FGF14: variants seen among roughly 807,000 people sequenced by gnomAD.
The protein encoded by FGF14 is fibroblast growth factor homologous factor 4.
Under a neutral mutation model 25.5 loss-of-function variants are expected in FGF14, and 5 were observed. That is an observed-to-expected ratio of 0.20 (90% CI 0.10 to 0.41). The LOEUF is 0.41. Ranked by LOEUF, FGF14 falls within the 10% of genes least tolerant of loss-of-function variation. The pLI is 1.00. For synonymous variants in FGF14, 138 were observed against 118.3 expected, an observed-to-expected ratio of 1.17 and a Z score of -1.08; for missense variants, 222 against 320.1, an observed-to-expected ratio of 0.69 and a Z score of 2.34.
At chr13:102,125,490 G>A (rs1284783642) in intron 1 of FGF14, among the ~76,000 whole-genome samples, 2 of 152,048 alleles carry the variant, frequency 1.3e-5, no homozygotes, top group Non-Finnish European at 2.9e-5. Flanking sequence ...TATAAAAACT[G>A]GCCCATGAAT....
intron 1 of FGF14, among the ~76,000 whole-genome samples, chr13:102,157,833 C>A (rs1381304859): frequency 6.6e-6 from 1 of 152,154 alleles, no homozygotes; most frequent in Non-Finnish European, 1.5e-5. Context: ...AAGAAAAGAA[C>A]AAACAACCCC....
chr13:102,315,949 A>T (rs2056000859), intron 1 of FGF14, among the ~76,000 whole-genome samples: 1 of 152,242 alleles, frequency 6.6e-6, no homozygotes, highest in Non-Finnish European at 1.5e-5. Flanking sequence ...ACTGCAAAAA[A>T]GCAGAAACTA....
intron 1 of FGF14, among the ~76,000 whole-genome samples, chr13:101,995,963 A>G (rs2039158646): frequency 2.0e-5 from 3 of 152,206 alleles, no homozygotes; most frequent in Non-Finnish European, 1.5e-5. Context: ...GATATAGTCA[A>G]TAATAACTTA....
chr13:102,297,892 T>C (rs755871766), intron 1 of FGF14, among the ~76,000 whole-genome samples: 1 of 152,114 alleles, frequency 6.6e-6, no homozygotes, highest in Non-Finnish European at 1.5e-5. Context: ...TACAGTTCAA[T>C]GTGATGGTGC....
intron 1 of FGF14, among the ~76,000 whole-genome samples, chr13:102,269,592 T>C (rs1339629538): frequency 6.6e-6 from 1 of 152,170 alleles, no homozygotes; most frequent in Non-Finnish European, 1.5e-5. Context: ...TCTCAATATG[T>C]TGCTCAAGCT....
chr13:102,035,834 T>G (rs566265185), intron 1 of FGF14, among the ~76,000 whole-genome samples: 1 of 152,128 alleles, frequency 6.6e-6, no homozygotes, highest in Non-Finnish European at 1.5e-5. Context: ...CTTCTAGCTC[T>G]AAAGTGCTGT....
intron 1 of FGF14, among the ~76,000 whole-genome samples, chr13:102,201,663 A>G (rs996552940): frequency 6.6e-6 from 1 of 152,256 alleles, no homozygotes; most frequent in African/African-American, 2.4e-5. Flanking sequence ...AGCATGATGT[A>G]TAAGACAAGG....
At chr13:102,155,874 T>C (rs560519119) in intron 1 of FGF14, among the ~76,000 whole-genome samples, 4 of 152,206 alleles carry the variant, frequency 2.6e-5, no homozygotes, top group South Asian at 2.1e-4. Context: ...GAGAATACTA[T>C]AAACACCTCT....
At chr13:102,143,158 C>A (rs1323479600) in intron 1 of FGF14, among the ~76,000 whole-genome samples, 2 of 152,132 alleles carry the variant, frequency 1.3e-5, no homozygotes, top group Non-Finnish European at 2.9e-5. Context: ...CAATAAGAAT[C>A]CTTTTTAAGA....
intron 1 of FGF14, among the ~76,000 whole-genome samples, chr13:102,300,938 TACAC>T (rs3066020): frequency 0.044 from 3,420 of 76,862 alleles, 134 homozygotes; most frequent in African/African-American, 0.14. Context: ...CACACACACA[TACAC>T]ACACACACAC....
At chr13:101,865,279 C>T (rs2044642426) in intron 3 of FGF14, among the ~76,000 whole-genome samples, 1 of 152,044 alleles carries the variant, frequency 6.6e-6, no homozygotes, top group Non-Finnish European at 1.5e-5. Flanking sequence ...GGAAAACAAA[C>T]AAGCAAACAA....
At chr13:102,396,617 A>G (rs1259245644) in intron 1 of FGF14, among the ~76,000 whole-genome samples, 1 of 152,252 alleles carries the variant, frequency 6.6e-6, no homozygotes, top group Non-Finnish European at 1.5e-5. Flanking sequence ...AGTATAGTAT[A>G]GAATTAGCTT....
At chr13:102,175,071 A>G (rs10459301) in intron 1 of FGF14, among the ~76,000 whole-genome samples, 15,240 of 152,158 alleles carry the variant, frequency 0.1, 2,083 homozygotes, top group East Asian at 0.7. Flanking sequence ...CAAATTACCA[A>G]TGTCATAGAA....
intron 3 of FGF14, among the ~76,000 whole-genome samples, chr13:101,769,763 T>G (rs947932316): frequency 6.6e-6 from 1 of 151,818 alleles, no homozygotes; most frequent in Admixed American, 6.6e-5. Context: ...GGCAAAACAA[T>G]GGAAACAGTA....
intron 1 of FGF14, among the ~76,000 whole-genome samples, chr13:101,876,730 G>A (rs532152410): frequency 7.2e-5 from 11 of 152,138 alleles, no homozygotes; most frequent in Middle Eastern, 3.4e-3. Context: ...ATTGCATTGC[G>A]TTACATATGT....
intron 3 of FGF14, among the ~76,000 whole-genome samples, chr13:101,839,264 T>C (rs1208962103): frequency 6.6e-6 from 1 of 152,094 alleles, no homozygotes; most frequent in East Asian, 1.9e-4. Context: ...AGGGTCTCTT[T>C]GATTCCTTCT....
At chr13:101,908,700 A>G (rs1211273870) in intron 1 of FGF14, among the ~76,000 whole-genome samples, 1 of 152,222 alleles carries the variant, frequency 6.6e-6, no homozygotes, top group Non-Finnish European at 1.5e-5. Flanking sequence ...CATCCCCATC[A>G]AGCTACCAAT....
chr13:101,770,214 G>T (rs1046128751), intron 3 of FGF14, among the ~76,000 whole-genome samples: 5 of 152,066 alleles, frequency 3.3e-5, no homozygotes, highest in Non-Finnish European at 7.4e-5. Flanking sequence ...CTTATGAATT[G>T]TTTGGGTCTA....
At chr13:102,264,311 A>G (rs1398970631) in intron 1 of FGF14, among the ~76,000 whole-genome samples, 2 of 152,194 alleles carry the variant, frequency 1.3e-5, no homozygotes, top group East Asian at 3.9e-4. Context: ...AGGCTCAAAA[A>G]AAGTTTGCAT....
Sources: gnomAD v4.1 joint callset for allele counts (sites outside exome capture counted in the v4.1 genomes callset) on GRCh38, gnomAD v4.1.1 for gene constraint, MANE v1.5 for transcripts, NCBI Gene and HGNC (gene_info 2026-07-23, HGNC 2026-07-21) for gene names.